TMEM44: variants seen among roughly 807,000 people sequenced by gnomAD.
TMEM44 encodes the protein transmembrane protein 44.
In TMEM44, 43 loss-of-function variants were observed where a neutral mutation model predicts 47.8. The observed-to-expected ratio is 0.90, with a 90% CI of 0.70 to 1.16. The LOEUF (loss-of-function observed/expected upper bound fraction) is 1.16, where lower values mean the gene tolerates loss of function less well. Ranked by LOEUF, TMEM44 falls within the 50% of genes most tolerant of loss-of-function variation. The pLI is 0.00. For missense variants in TMEM44, 568 were observed against 555.2 expected, an observed-to-expected ratio of 1.02 and a Z score of -0.23; for synonymous variants, 277 against 238.8, an observed-to-expected ratio of 1.16 and a Z score of -1.48.
chr3:194,597,587 GA>G (rs1213911937), intron 9 of TMEM44, among the ~76,000 whole-genome samples: 3 of 151,384 alleles, frequency 2.0e-5, no homozygotes, highest in East Asian at 3.9e-4. Context: ...TTGGACCTGG[GA>G]GGTGGAGGTT....
intron 2 of TMEM44, among the ~76,000 whole-genome samples, chr3:194,626,196 G>A (rs1486988507): frequency 6.6e-6 from 1 of 152,154 alleles, no homozygotes; most frequent in Non-Finnish European, 1.5e-5. Flanking sequence ...TTACATGACT[G>A]AACCCACGGT....
intron 6 of TMEM44, among the ~76,000 whole-genome samples, chr3:194,616,224 G>A (rs754718541): frequency 6.6e-6 from 1 of 152,058 alleles, no homozygotes; most frequent in South Asian, 2.1e-4. Flanking sequence ...GGTAATTTTC[G>A]TATTTTTAGT....
At chr3:194,612,898 C>T (rs988372367) in intron 7 of TMEM44, among the ~76,000 whole-genome samples, 9 of 152,214 alleles carry the variant, frequency 5.9e-5, no homozygotes, top group African/African-American at 1.7e-4. Flanking sequence ...GTGATCCGCC[C>T]GCCTCTGCCT....
In TMEM44 at chr3:194,629,178, G is replaced by C. The variant is rs1311744016; in HGVS notation, c.138-669C>G. Among the ~76,000 whole-genome samples, 4 of 148,548 alleles carry C rather than the reference G, an allele frequency of 2.7e-5. No individual in the cohort carries two copies. In the East Asian group the frequency reaches 7.8e-4, roughly 29 times the overall value. On this transcript the variant is annotated intron_variant, in intron 1 of 9. Coordinates refer to ENST00000347147, the MANE Select transcript of TMEM44 (RefSeq NM_001011655.3). ...GACTCCGTCTCAAAAAAAAAAAAAA[G>C]CAACCCAACCACTGCAGATAACTGC...
chr3:194,622,287 G>A (rs1031417866), intron 5 of TMEM44, among the ~76,000 whole-genome samples: 1 of 152,186 alleles, frequency 6.6e-6, no homozygotes, highest in African/African-American at 2.4e-5. Context: ...ACCACCCCAC[G>A]GTCTGGCAGT....
rs1486980881 is a variant in TMEM44, at chr3:194,623,585, T to C, written c.469A>G (p.Lys157Glu). The C allele has an allele frequency of 1.2e-6, 2 of 1,611,232 alleles. No homozygotes were observed. Among genetic ancestry groups the C allele is most frequent in the Non-Finnish European group, 1.7e-6 (2 of 1,179,454 alleles). ...GGCCCCCGGATGGTGGCTGAAGCCT[T>C]CGGGACAGCAACCCACAGAGCCCAG... ...PCWALWVAVPKASATIRGPQR... is the reference protein window; with the variant it reads ...PCWALWVAVPEASATIRGPQR... The change falls in exon 4 of 10, where the codon AAG (lysine) becomes GAG (glutamate). Residue 157 changes from lysine to glutamate, a missense_variant. Transcript: ENST00000347147.
chr3:194,601,659 G>C (rs1714145100), intron 9 of TMEM44, among the ~76,000 whole-genome samples: 3 of 151,760 alleles, frequency 2.0e-5, no homozygotes, highest in African/African-American at 7.3e-5. Flanking sequence ...CGTTCGCCAG[G>C]CTGGTCTCAA....
chr3:194,630,767 G>A (rs1417279920), intron 1 of TMEM44, among the ~76,000 whole-genome samples: 7 of 141,092 alleles, frequency 5.0e-5, no homozygotes, highest in East Asian at 2.2e-4. Flanking sequence ...CGTCACTGAT[G>A]GGGCCTCTGA....
chr3:194,623,974 C>T (rs1474200161), intron 3 of TMEM44, among the ~76,000 whole-genome samples: 4 of 152,186 alleles, frequency 2.6e-5, no homozygotes, highest in African/African-American at 7.2e-5. Flanking sequence ...TATGCATCTG[C>T]GTGCAGACAG....
intron 8 of TMEM44, among the ~76,000 whole-genome samples, chr3:194,605,535 C>A (rs935149154): frequency 6.6e-6 from 1 of 152,152 alleles, no homozygotes; most frequent in Non-Finnish European, 1.5e-5. Flanking sequence ...TGGCAGCAGG[C>A]AAAGAGAGAG....
rs776931178 is a variant in TMEM44, at chr3:194,625,882, C to T, written c.358+15G>A. 4.2e-5 allele frequency: 67 copies of T among 1,601,302 alleles called. No homozygotes were observed. The highest frequency in any genetic ancestry group is 1.8e-4 in the East Asian group (8 of 44,818). ...ATGGGTGAATAAAGACAGGAAAAGA[C>T]AGCCACACACTCACCTGAATTAGAC... On this transcript the variant is annotated intron_variant, in intron 3 of 9. Transcript: ENST00000347147.
At chr3:194,591,285 G>A (rs560065947) in intron 9 of TMEM44, among the ~76,000 whole-genome samples, 12 of 152,056 alleles carry the variant, frequency 7.9e-5, no homozygotes, top group African/African-American at 2.9e-4. Context: ...CTGAGGTCAG[G>A]AGTTCGAGAC....
chr3:194,595,112 A>G (rs921091663), intron 9 of TMEM44, among the ~76,000 whole-genome samples: 2 of 152,194 alleles, frequency 1.3e-5, no homozygotes, highest in Non-Finnish European at 2.9e-5. Flanking sequence ...TATCCTTAGA[A>G]GAAGGCCTCT....
chr3:194,625,835 C>T, intron 3 of TMEM44, 62 bp downstream of exon 3: 1 of 1,410,388 alleles, frequency 7.1e-7, no homozygotes, highest in Non-Finnish European at 1.0e-6. Flanking sequence ...AAGGAGTAGG[C>T]ATTCGGCGTG....
intron 5 of TMEM44, chr3:194,622,567 T>TA (rs1217656180): frequency 2.0e-5 from 3 of 150,258 alleles, no homozygotes; most frequent in Non-Finnish European, 4.4e-5. Context: ...TTTTTTTTTT[T>TA]AGACGGAGTT....
chr3:194,590,398 C>G (rs1461307722), intron 9 of TMEM44: 1 of 152,220 alleles, frequency 6.6e-6, no homozygotes, highest in Admixed American at 6.5e-5. Flanking sequence ...CCAGCCACTT[C>G]CAGTGAGAAC....
chr3:194,623,753 A>G, intron 3 of TMEM44, 58 bp from the exon 4 acceptor site: 3 of 1,603,652 alleles, frequency 1.9e-6, no homozygotes, highest in Non-Finnish European at 1.7e-6. Flanking sequence ...GTCAGATCAG[A>G]TAGCTGCGTG....
rs1715585804 is a variant in TMEM44 at position 194,613,759 on chromosome 3, T to C, written c.912+1810A>G. On this transcript the variant is annotated intron_variant, in intron 7 of 9. Transcript: ENST00000347147. ...CACCCACCTCGGCCTCCCAAAGTGT[T>C]GGGATTACAGGCGTGAGCCACTGCA... Among the ~76,000 whole-genome samples, 3 of 151,484 alleles carry C rather than the reference T, an allele frequency of 2.0e-5. No homozygotes were observed. In the South Asian group the frequency reaches 6.3e-4, roughly 32 times the overall value.
At chr3:194,597,710 T>G (rs1713596968) in intron 9 of TMEM44, among the ~76,000 whole-genome samples, 1 of 151,856 alleles carries the variant, frequency 6.6e-6, no homozygotes, top group Non-Finnish European at 1.5e-5. Context: ...AGCAGTGAAC[T>G]TCAGGCCTTC....
Sources: gnomAD v4.1 joint callset for allele counts (sites outside exome capture counted in the v4.1 genomes callset) on GRCh38, gnomAD v4.1.1 for gene constraint, MANE v1.5 for transcripts, NCBI Gene and HGNC (gene_info 2026-07-23, HGNC 2026-07-21) for gene names.